Variants in ANTXRL observed in about 807,000 individuals in gnomAD.
ANTXRL encodes the protein anthrax toxin receptor-like.
ANTXRL carries 63 observed loss-of-function variants against 75.4 expected under a neutral mutation model. The ratio of observed to expected loss-of-function variants is 0.84; its 90% CI spans 0.68 to 1.03. The LOEUF is 1.03. Ranked by LOEUF, ANTXRL falls within the 50% of genes least tolerant of loss-of-function variation. The probability of loss-of-function intolerance (pLI) is 0.00; values close to 1 mark genes in which losing one functional copy is unlikely to be tolerated. For missense variants in ANTXRL, 797 were observed against 789.4 expected (o/e 1.01, Z -0.12); for synonymous variants, 335 against 291.3 (o/e 1.15, Z -1.53).
chr10:46,293,950 G>C, intron 3 of ANTXRL, 50 bp downstream of exon 3: 1 of 1,492,136 alleles, frequency 6.7e-7, no homozygotes, highest in Non-Finnish European at 9.0e-7. Flanking sequence ...CTTGGCCAGA[G>C]GGAGCTCCAG....
chr10:46,306,002 T>A (rs1838058479), intron 10 of ANTXRL, among the ~76,000 whole-genome samples: 1 of 152,096 alleles, frequency 6.6e-6, no homozygotes, highest in Non-Finnish European at 1.5e-5. Context: ...ACAGATTCAC[T>A]GCACAAGAAA....
chr10:46,302,434 C>A (rs1837809132), intron 9 of ANTXRL, among the ~76,000 whole-genome samples: 1 of 152,184 alleles, frequency 6.6e-6, no homozygotes, highest in African/African-American at 2.4e-5. Context: ...CCACTCTGAG[C>A]CTGCCCTGTG....
At chr10:46,310,559 A>T in intron 14 of ANTXRL, 60 bp downstream of exon 14, 1 of 1,498,368 alleles carries the variant, frequency 6.7e-7, no homozygotes, top group African/African-American at 1.4e-5. Context: ...GACCTTCACC[A>T]AGAGTGCCAT....
intron 1 of ANTXRL, among the ~76,000 whole-genome samples, chr10:46,289,008 T>C (rs4076898): frequency 0.029 from 4,378 of 152,246 alleles, 151 homozygotes; most frequent in East Asian, 0.12. Flanking sequence ...TAGACCATGG[T>C]GCTGAATTGA....
chr10:46,293,818 T>G lies in ANTXRL; in HGVS notation c.321-11T>G. 6.5e-7 allele frequency: 1 copy of G among 1,535,280 alleles called. No homozygotes were observed. Among genetic ancestry groups the G allele is most frequent in the Non-Finnish European group, 8.7e-7 (1 of 1,146,340 alleles). On this transcript the variant is annotated splice_polypyrimidine_tract_variant and intron_variant, in intron 2 of 16. Transcript: ENST00000620264. ...CCACTGGCTTCTCACCAGCACATGATTCCTTCACAGCCCAAATATTCGGAT... is the reference window on the plus strand; with the variant it reads ...CCACTGGCTTCTCACCAGCACATGAGTCCTTCACAGCCCAAATATTCGGAT...
Position 46,296,076 on chromosome 10 carries a change from A to G in ANTXRL, c.450A>G (p.Thr150=). The G allele has an allele frequency of 6.5e-7, 1 of 1,535,982 alleles. No individual in the cohort carries two copies. Among genetic ancestry groups the G allele is most frequent in the Non-Finnish European group, 8.7e-7 (1 of 1,146,762 alleles). ...QLQKIVPDGH[T]FMQAGFRKAI... is the part of the protein sequence containing the mutation. ...AGAAAATTGTGCCTGACGGTCACAC[A>G]TTCATGCAGGCAGGATTTAGAAAGG... The change falls in exon 4 of 17, where the codon ACA becomes ACG. Residue 150 remains threonine (T), a synonymous_variant. Transcript: ENST00000620264.
intron 10 of ANTXRL, among the ~76,000 whole-genome samples, chr10:46,304,497 T>A (rs1554961361): frequency 1.3e-5 from 2 of 152,114 alleles, no homozygotes; most frequent in Admixed American, 1.3e-4. Flanking sequence ...TGGGCACATG[T>A]TCCTGTAGAA....
At chr10:46,310,094 C>T (rs1554963045) in intron 13 of ANTXRL, among the ~76,000 whole-genome samples, 1 of 152,096 alleles carries the variant, frequency 6.6e-6, no homozygotes, top group African/African-American at 2.4e-5. Flanking sequence ...AGGGAGGGCT[C>T]CTGTAGACAG....
chr10:46,300,509 A>G (rs1434763086), intron 9 of ANTXRL, among the ~76,000 whole-genome samples: 22 of 152,104 alleles, frequency 1.4e-4, no homozygotes, highest in East Asian at 1.9e-4. Context: ...TTTGACAGGC[A>G]TCTCCCTCTC....
At chr10:46,312,268 G>C (rs1431757143) in intron 15 of ANTXRL, among the ~76,000 whole-genome samples, 14 of 150,944 alleles carry the variant, frequency 9.3e-5, no homozygotes, top group Admixed American at 1.3e-4. Context: ...AGGCCTGAAA[G>C]CGCCCTCACA....
chr10:46,309,710 C>A (rs186549465), intron 13 of ANTXRL, among the ~76,000 whole-genome samples: 2 of 152,148 alleles, frequency 1.3e-5, no homozygotes, highest in East Asian at 3.9e-4. Context: ...CTTCATCTGT[C>A]TTTACTGAGC....
chr10:46,286,628 C>A (rs1175203483), upstream of ANTXRL, among the ~76,000 whole-genome samples: 1 of 152,160 alleles, frequency 6.6e-6, no homozygotes, highest in Non-Finnish European at 1.5e-5. Context: ...CAGTAGAGAA[C>A]CGGAATGTCC....
At chr10:46,310,227 C>T (rs1554963081) in intron 13 of ANTXRL, among the ~76,000 whole-genome samples, 1 of 152,052 alleles carries the variant, frequency 6.6e-6, no homozygotes, top group Non-Finnish European at 1.5e-5. Flanking sequence ...CTGGCTGACC[C>T]CTAGGAACCC....
chr10:46,286,923 CT>C (rs1387144967), upstream of ANTXRL: 9 of 369,326 alleles, frequency 2.4e-5, no homozygotes, highest in Non-Finnish European at 3.0e-5. Flanking sequence ...GTGCCTCCCC[CT>C]GATGTTGTCA....
chr10:46,328,963 G>A lies in ANTXRL; in HGVS notation c.1411-636G>A, dbSNP rs559359744. 5.9e-5 allele frequency among the ~76,000 whole-genome samples: 9 copies of A among 152,208 alleles called. No homozygotes were observed. In the South Asian group the frequency reaches 1.0e-3, roughly 18 times the overall value. Reference sequence around the variant, plus strand: ...TCAAGTCTTCAGACAGGGTTGCCCCGATCATGAGCATAAGAAGCCAGCAGA... The same window carrying A: ...TCAAGTCTTCAGACAGGGTTGCCCCAATCATGAGCATAAGAAGCCAGCAGA... On this transcript the variant is annotated intron_variant, in intron 16 of 16. Coordinates refer to ENST00000620264, the MANE Select transcript of ANTXRL (RefSeq NM_001278688.3).
At chr10:46,321,303 AAAAACTT>A (rs1554965554) in intron 16 of ANTXRL, among the ~76,000 whole-genome samples, 1 of 152,216 alleles carries the variant, frequency 6.6e-6, no homozygotes. Context: ...GGGAAAAGAC[AAAAACTT>A]AAGTTTTCCA....
In ANTXRL at chr10:46,293,406, G is replaced by A. The variant is rs558775484; in HGVS notation, c.321-423G>A. Among the ~76,000 whole-genome samples the A allele has an allele frequency of 2.0e-5, 3 of 150,592 alleles. No homozygotes were observed. In the East Asian group the frequency reaches 5.9e-4, roughly 30 times the overall value. On this transcript the variant is annotated intron_variant, in intron 2 of 16. Transcript: ENST00000620264. Reference sequence around the variant, plus strand: ...AGTGTGTGCCTGTGTGTGTGAGTGTGTGCCTGTGTGTGGGTGTGTGCGTGT... The same window carrying A: ...AGTGTGTGCCTGTGTGTGTGAGTGTATGCCTGTGTGTGGGTGTGTGCGTGT...
chr10:46,293,792 GCCACTGGCTTCTCA>G, intron 2 of ANTXRL, 23 bp from the exon 3 acceptor site: 1 of 1,523,332 alleles, frequency 6.6e-7, no homozygotes. Flanking sequence ...CTGAGCCTGT[GCCACTGGCTTCTCA>G]CCAGCACATG....
At chr10:46,289,775 C>A (rs540260391) in intron 1 of ANTXRL, among the ~76,000 whole-genome samples, 15 of 152,188 alleles carry the variant, frequency 9.9e-5, no homozygotes, top group African/African-American at 3.4e-4. Context: ...TTCCATTAAA[C>A]AATAACTCCC....
Sources: allele counts gnomAD v4.1 joint callset (sites outside exome capture counted in the v4.1 genomes callset), GRCh38; gene constraint gnomAD v4.1.1; transcripts MANE v1.5; gene names NCBI Gene and HGNC (gene_info 2026-07-23, HGNC 2026-07-21).